The following LSP1 variants were observed in gnomAD, a reference collection of about 807,000 sequenced individuals.
LSP1 encodes lymphocyte-specific protein 1.
In LSP1, 32 loss-of-function variants were observed where a neutral mutation model predicts 49.3. The observed-to-expected ratio is 0.65, with a 90% CI of 0.49 to 0.87. The LOEUF is 0.87. Ranked by LOEUF, LSP1 falls within the 40% of genes least tolerant of loss-of-function variation. The pLI, the probability that LSP1 is intolerant of heterozygous loss-of-function variation, is 0.00. For missense variants in LSP1, 428 were observed against 442.6 expected, an observed-to-expected ratio of 0.97 and a Z score of 0.30; for synonymous variants, 179 against 178.8, an observed-to-expected ratio of 1.00 and a Z score of -0.01.
chr11:1,880,081 C>T lies in LSP1; in HGVS notation c.54-6C>T. ...GGCGTGACTGTCCCTCTGTGTCCCC[C>T]ACTAGGCCCACTGCTCAGTGGAGCG... On this transcript the variant is annotated splice_region_variant and splice_polypyrimidine_tract_variant and intron_variant, in intron 1 of 10. Coordinates refer to ENST00000311604, the MANE Select transcript of LSP1 (RefSeq NM_002339.3). 6.2e-7 allele frequency: 1 copy of T among 1,608,228 alleles called. No individual in the cohort carries two copies. Among genetic ancestry groups the T allele is most frequent in the Non-Finnish European group, 8.5e-7 (1 of 1,177,226 alleles).
intron 1 of LSP1, among the ~76,000 whole-genome samples, chr11:1,872,099 G>A (rs1848046080): frequency 7.0e-6 from 1 of 143,024 alleles, no homozygotes; most frequent in Admixed American, 6.9e-5. Flanking sequence ...GGCTGGCGTG[G>A]GCACTTTTGG....
intron 1 of LSP1, among the ~76,000 whole-genome samples, chr11:1,873,630 GAGA>G (rs1237213560): frequency 2.6e-5 from 3 of 114,108 alleles, no homozygotes; most frequent in South Asian, 2.5e-4. Context: ...GAAGGAGAAG[GAGA>G]AGAATGGAAG....
Position 1,883,826 on chromosome 11 carries a change from G to A in LSP1, c.499-106G>A, listed in dbSNP as rs1011690781. 12 of 1,131,094 alleles carry A rather than the reference G, an allele frequency of 1.1e-5. No individual in the cohort carries two copies. In the East Asian group the frequency reaches 1.4e-4, roughly 13 times the overall value. The allele number at this position is 1,131,094 out of a possible 1,614,324, so 70.1% of individuals were successfully genotyped here. ...AACTGGAGCACGTCAGGGCCACAGA[G>A]AACCTGGGGCTCAGGAAGGAACAGC... is the stretch of plus-strand genomic sequence containing the variant. On this transcript the variant is annotated intron_variant, in intron 4 of 10. Coordinates refer to ENST00000311604, the MANE Select transcript of LSP1 (RefSeq NM_002339.3).
chr11:1,853,248 T>C, intron 1 of LSP1, 51 bp downstream of exon 1: 1 of 1,579,442 alleles, frequency 6.3e-7, no homozygotes, highest in Non-Finnish European at 8.6e-7. Context: ...CACGGGTGCA[T>C]AGTCCTTGAG....
chr11:1,868,406 T>C (rs1048611584), intron 1 of LSP1, among the ~76,000 whole-genome samples: 1 of 152,174 alleles, frequency 6.6e-6, no homozygotes, highest in Non-Finnish European at 1.5e-5. Flanking sequence ...TGCCCACACA[T>C]ATACAGATGT....
intron 1 of LSP1, among the ~76,000 whole-genome samples, chr11:1,854,379 G>T (rs1055494108): frequency 2.7e-4 from 41 of 152,302 alleles, no homozygotes; most frequent in African/African-American, 9.6e-4. Context: ...AGAGGGTCCC[G>T]GTCTACCCGA....
At position 1,884,357 on chromosome 11, in the gene LSP1, A is replaced by T. The variant is rs747867678; in HGVS notation, c.635+34A>T. On this transcript the variant is annotated intron_variant, in intron 6 of 10. Transcript: ENST00000311604. This position sits in a 1 kb window ranked among gnomAD's most constrained non-coding sequence, Gnocchi z 4.1. ...GTCTGTCTGTCTGCTTTCTGGGCTC[A>T]GATCTTAGGTTTAACCAAGTGGGGG... is the stretch of plus-strand genomic sequence containing the variant. 9 of 1,613,850 alleles carry T rather than the reference A, an allele frequency of 5.6e-6. No individual in the cohort carries two copies. In the Admixed American group the frequency reaches 1.5e-4, roughly 27 times the overall value.
chr11:1,870,643 G>T (rs796147323), intron 1 of LSP1: 1 of 1,088,114 alleles, frequency 9.2e-7, no homozygotes. Flanking sequence ...TCTGGGTGCC[G>T]GCTGTGGCTC....
At chr11:1,883,684 C>T (rs1365356176) in intron 4 of LSP1, 124 bp downstream of exon 4, 1 of 1,244,034 alleles carries the variant, frequency 8.0e-7, no homozygotes. Flanking sequence ...CCCCACACCC[C>T]TAGACCTTGC....
At position 1,878,351 on chromosome 11, in the gene LSP1, G is replaced by T. The variant is rs192074510; in HGVS notation, c.54-1736G>T. The stretch of plus-strand genomic sequence containing the variant: ...GCAGCCCCCAGCCATGCGGAGGCCG[G>T]CAGAAGCGGGAAGCTGGGCCTCATC... On this transcript the variant is annotated intron_variant, in intron 1 of 10. Transcript: ENST00000311604. 2.9e-3 allele frequency among the ~76,000 whole-genome samples: 445 copies of T among 152,376 alleles called. 2 individuals carry two copies. Among genetic ancestry groups the T allele is most frequent in the African/African-American group, 0.01 (430 of 41,594 alleles).
intron 1 of LSP1, among the ~76,000 whole-genome samples, chr11:1,873,997 G>C (rs1026916596): frequency 7.7e-6 from 1 of 130,038 alleles, no homozygotes; most frequent in African/African-American, 3.3e-5. Context: ...GAGGAGGGAG[G>C]CTGGCAGAGC....
chr11:1,880,368 G>A (rs1312511948), intron 2 of LSP1, 144 bp downstream of exon 2: 21 of 1,007,138 alleles, frequency 2.1e-5, no homozygotes, highest in Non-Finnish European at 2.9e-5. Flanking sequence ...GCAGGCGTGG[G>A]AGTGGGTGAG....
At chr11:1,868,355 C>T (rs970372839) in intron 1 of LSP1, among the ~76,000 whole-genome samples, 10 of 152,174 alleles carry the variant, frequency 6.6e-5, no homozygotes, top group South Asian at 6.2e-4. Context: ...GCTCTTTGGG[C>T]GGTGTGAGCC....
At chr11:1,853,937 G>A (rs1204451927) in intron 1 of LSP1, among the ~76,000 whole-genome samples, 1 of 152,226 alleles carries the variant, frequency 6.6e-6, no homozygotes, top group African/African-American at 2.4e-5. Context: ...CTGTGCTGGG[G>A]TGGGTGGAGA....
At chr11:1,859,230 G>A (rs1159649831) in intron 1 of LSP1, among the ~76,000 whole-genome samples, 3 of 152,134 alleles carry the variant, frequency 2.0e-5, no homozygotes, top group South Asian at 2.1e-4. Context: ...GAGAGTGGCT[G>A]AGGTGTCCAG....
intron 3 of LSP1, 104 bp downstream of exon 3, chr11:1,881,700 G>A (rs1044866566): frequency 1.9e-5 from 26 of 1,342,404 alleles, no homozygotes; most frequent in African/African-American, 3.2e-5. Context: ...CCTCGAGGGC[G>A]GGCGCTGGGC....
intron 1 of LSP1, among the ~76,000 whole-genome samples, chr11:1,878,915 CG>C (rs778006307): frequency 7.9e-4 from 121 of 152,204 alleles, no homozygotes; most frequent in Non-Finnish European, 1.4e-3. Flanking sequence ...GCTGCTGGGC[CG>C]GGGCTCTGAT....
At chr11:1,883,320 T>G (rs1848623807) in intron 3 of LSP1, 99 bp from the exon 4 acceptor site, 3 of 1,472,760 alleles carry the variant, frequency 2.0e-6, no homozygotes, top group African/African-American at 1.4e-5. Context: ...CTGACTACCT[T>G]CATTTTACAG....
chr11:1,875,340 G>C (rs1848263291), intron 1 of LSP1, among the ~76,000 whole-genome samples: 2 of 152,188 alleles, frequency 1.3e-5, no homozygotes. Flanking sequence ...GAAGGACCTG[G>C]GTGTGGGGAT....
Sources: allele counts gnomAD v4.1 joint callset (sites outside exome capture counted in the v4.1 genomes callset), GRCh38; gene constraint gnomAD v4.1.1; non-coding constraint Gnocchi (gnomAD v3.1); transcripts MANE v1.5; gene names NCBI Gene and HGNC (gene_info 2026-07-23, HGNC 2026-07-21).